The following ANKRD17 variants were observed in gnomAD, a reference collection of about 807,000 sequenced individuals.
ANKRD17 encodes the protein ankyrin repeat domain 17.
ANKRD17 carries 19 observed loss-of-function variants against 229.7 expected under a neutral mutation model. The observed-to-expected ratio is 0.08, with a 90% CI of 0.06 to 0.12. The LOEUF is 0.12. ANKRD17 is among the 10% of genes least tolerant of loss of function. The pLI is 1.00. For missense variants in ANKRD17, 2,176 were observed against 3,176.8 expected (o/e 0.68, Z 7.57); for synonymous variants, 1,112 against 1,146.1 (o/e 0.97, Z 0.60).
intron 1 of ANKRD17, among the ~76,000 whole-genome samples, chr4:73,182,718 T>C (rs539915472): frequency 6.6e-6 from 1 of 152,224 alleles, no homozygotes; most frequent in Non-Finnish European, 1.5e-5. Flanking sequence ...TTTAGACGTG[T>C]AAATAACTTC....
Position 73,140,250 on chromosome 4 carries a change from G to A in ANKRD17, c.2366C>T (p.Pro789Leu). The change falls in exon 15 of 34, where the codon CCA becomes CTA. Residue 789 changes from proline to leucine, a missense_variant. Physicochemically the swap from Pro to Leu is moderately conservative, Grantham distance 98. Around this residue, in one of 18 missense-constraint regions of ANKRD17, gnomAD observed 275 missense variants for 386.9 expected, o/e 0.71. Coordinates refer to ENST00000358602, the MANE Select transcript of ANKRD17 (RefSeq NM_032217.5). ...ASKQKSSSHL[P>L]ANSQDVQGYI... ...ACCCTGTACATCCTGGCTGTTTGCT[G>A]GCAAATGGCTGCTGGACTTTTGTTT... 6.2e-7 allele frequency: 1 copy of A among 1,601,738 alleles called. No individual in the cohort carries two copies. The highest frequency in any genetic ancestry group is 1.1e-5 in the South Asian group (1 of 88,186).
At chr4:73,108,362 C>T (rs1340108662) in intron 24 of ANKRD17, among the ~76,000 whole-genome samples, 2 of 152,032 alleles carry the variant, frequency 1.3e-5, no homozygotes, top group Non-Finnish European at 2.9e-5. Context: ...GAAGTCTGGG[C>T]TAGAGATACA....
At chr4:73,196,470 G>C (rs1015857179) in intron 1 of ANKRD17, among the ~76,000 whole-genome samples, 28 of 152,052 alleles carry the variant, frequency 1.8e-4, no homozygotes, top group African/African-American at 6.5e-4. Context: ...CACAAATTCT[G>C]ATATATTTCA....
intron 15 of ANKRD17, among the ~76,000 whole-genome samples, chr4:73,137,882 T>A (rs566790283): frequency 6.6e-6 from 1 of 152,330 alleles, no homozygotes; most frequent in African/African-American, 2.4e-5. Flanking sequence ...AAACTTCTGA[T>A]AATTCTGATC....
chr4:73,222,781 T>A (rs532286675), intron 1 of ANKRD17, among the ~76,000 whole-genome samples: 1 of 152,338 alleles, frequency 6.6e-6, no homozygotes, highest in South Asian at 2.1e-4. Flanking sequence ...ACAAAATAAT[T>A]ATAGACGTCT....
intron 10 of ANKRD17, among the ~76,000 whole-genome samples, chr4:73,145,075 T>G (rs973018576): frequency 6.6e-6 from 1 of 152,168 alleles, no homozygotes; most frequent in African/African-American, 2.4e-5. Context: ...TAATTTTAAA[T>G]TTGAAGTTAT....
At position 73,075,666 on chromosome 4, in the gene ANKRD17, A is replaced by T. The variant is rs1197302591; in HGVS notation, c.*565T>A. ...ATGCCCATTATTTTACTTTATACTT[A>T]AATTACACCAGTAGAAAAGTTATGC... On this transcript the variant is annotated 3_prime_UTR_variant, in exon 34 of 34. Coordinates refer to ENST00000358602, the MANE Select transcript of ANKRD17 (RefSeq NM_032217.5). The T allele has an allele frequency of 6.6e-6, 1 of 152,646 alleles. No individual in the cohort carries two copies. The highest frequency in any genetic ancestry group is 1.5e-5 in the Non-Finnish European group (1 of 68,018). 9.5% of individuals were successfully genotyped at this position (152,646 alleles called of 1,614,324 possible).
intron 25 of ANKRD17, chr4:73,101,170 T>C: frequency 2.1e-6 from 2 of 938,826 alleles, no homozygotes; most frequent in Non-Finnish European, 2.5e-6. Flanking sequence ...CTGGAAACCA[T>C]CCCCTGTGGA....
chr4:73,189,403 G>GTTTTTTTT (rs763345325), intron 1 of ANKRD17, among the ~76,000 whole-genome samples: 5 of 112,696 alleles, frequency 4.4e-5, no homozygotes, highest in East Asian at 2.7e-4. Context: ...TGCCTGGAAT[G>GTTTTTTTT]TTTTTTTTTT....
chr4:73,162,548 T>C (rs1014591486), intron 2 of ANKRD17, among the ~76,000 whole-genome samples: 1 of 152,082 alleles, frequency 6.6e-6, no homozygotes, highest in Non-Finnish European at 1.5e-5. Flanking sequence ...GTGAACAAAA[T>C]ATGGCCTAAA....
chr4:73,155,257 T>A (rs1731515635), intron 5 of ANKRD17, among the ~76,000 whole-genome samples: 1 of 152,160 alleles, frequency 6.6e-6, no homozygotes, highest in Non-Finnish European at 1.5e-5. Context: ...TAGGAAACAA[T>A]GAACTATCCT....
intron 12 of ANKRD17, 104 bp from the exon 13 acceptor site, chr4:73,142,489 C>G: frequency 6.4e-7 from 1 of 1,565,844 alleles, no homozygotes; most frequent in Non-Finnish European, 8.7e-7. Context: ...GCATTAAAAT[C>G]ATAGGTTTGG....
intron 14 of ANKRD17, among the ~76,000 whole-genome samples, chr4:73,141,030 C>T (rs1729531964): frequency 6.6e-6 from 1 of 152,144 alleles, no homozygotes; most frequent in South Asian, 2.1e-4. Context: ...GGTGCCAAGG[C>T]TCTAGGTTGA....
chr4:73,116,138 T>C (rs1378642825), intron 22 of ANKRD17, among the ~76,000 whole-genome samples: 2 of 144,380 alleles, frequency 1.4e-5, no homozygotes, highest in Admixed American at 7.2e-5. Context: ...TAATATGAGC[T>C]AAAATTCTAA....
At chr4:73,195,633 C>T (rs545859271) in intron 1 of ANKRD17, among the ~76,000 whole-genome samples, 1 of 151,900 alleles carries the variant, frequency 6.6e-6, no homozygotes, top group Non-Finnish European at 1.5e-5. Flanking sequence ...TTCAGCCTCC[C>T]GAGTAGCTGA....
At chr4:73,115,753 G>T in intron 23 of ANKRD17, 68 bp downstream of exon 23, 1 of 1,245,352 alleles carries the variant, frequency 8.0e-7, no homozygotes, top group Non-Finnish European at 1.2e-6. Context: ...CTCAAACTAG[G>T]AATTCTTAGA....
intron 7 of ANKRD17, 141 bp from the exon 8 acceptor site, chr4:73,149,191 A>G (rs1730669782): frequency 1.5e-6 from 1 of 674,024 alleles, no homozygotes; most frequent in Admixed American, 2.8e-5. Flanking sequence ...CAGTTGAGTA[A>G]ATCAGTATTT....
At chr4:73,196,151 C>T (rs1737853882) in intron 1 of ANKRD17, among the ~76,000 whole-genome samples, 1 of 151,934 alleles carries the variant, frequency 6.6e-6, no homozygotes, top group East Asian at 1.9e-4. Context: ...TGGTGCCTGC[C>T]ACCATGCCCA....
At chr4:73,079,028 G>C (rs954754213) in intron 30 of ANKRD17, 138 bp from the exon 31 acceptor site, 3 of 1,075,556 alleles carry the variant, frequency 2.8e-6, no homozygotes, top group Non-Finnish European at 3.9e-6. Flanking sequence ...ACTTAAAAAT[G>C]ATGCATATTA....
Sources: allele counts gnomAD v4.1 joint callset (sites outside exome capture counted in the v4.1 genomes callset), GRCh38; gene constraint gnomAD v4.1.1; regional missense constraint gnomAD v4.1.1; transcripts MANE v1.5; gene names NCBI Gene and HGNC (gene_info 2026-07-23, HGNC 2026-07-21).